The following TXNDC17 variants were observed in gnomAD, a reference collection of about 807,000 sequenced individuals.
The protein encoded by TXNDC17 is thioredoxin domain-containing protein 17.
Under a neutral mutation model 16.3 loss-of-function variants are expected in TXNDC17, and 12 were observed. The observed-to-expected ratio is 0.74, with a 90% CI of 0.47 to 1.19. The LOEUF is 1.19. TXNDC17 is among the 50% of genes most tolerant of loss of function. TXNDC17 has a pLI of 0.00. For synonymous variants in TXNDC17, 62 were observed against 55.0 expected (o/e 1.13, Z -0.56); for missense variants, 158 against 149.7 (o/e 1.06, Z -0.29).
intron 2 of TXNDC17, 151 bp from the exon 3 acceptor site, chr17:6,642,098 T>G: frequency 1.5e-6 from 1 of 667,704 alleles, no homozygotes. Context: ...CACAGGGTAA[T>G]TAGTAGATTA....
chr17:6,641,251 CTGTCCAA>C, intron 1 of TXNDC17, 24 bp downstream of exon 1: 1 of 1,612,076 alleles, frequency 6.2e-7, no homozygotes. Flanking sequence ...TCGGGGGCTG[CTGTCCAA>C]TGGAAATGGC....
rs369695351 is a variant in TXNDC17, at chr17:6,642,935, T to A, written c.304-16T>A. On this transcript the variant is annotated splice_polypyrimidine_tract_variant and intron_variant, in intron 3 of 3. Transcript: ENST00000250101. ...TTTATAGAAGTAGTGAAGATTTGACTGTTTTTCTCTTACAGCCTCAAAAAC... is the reference window on the plus strand; with the variant it reads ...TTTATAGAAGTAGTGAAGATTTGACAGTTTTTCTCTTACAGCCTCAAAAAC... 48 of 1,601,698 alleles carry A rather than the reference T, an allele frequency of 3.0e-5. No homozygotes were observed. Among genetic ancestry groups the A allele is most frequent in the Non-Finnish European group, 3.7e-5 (43 of 1,169,116 alleles).
intron 3 of TXNDC17, 97 bp downstream of exon 3, chr17:6,642,421 C>A: frequency 1.2e-6 from 1 of 858,214 alleles, no homozygotes; most frequent in South Asian, 1.7e-5. Context: ...CATTTCATCT[C>A]AATTCCATTG....
intron 3 of TXNDC17, 190 bp downstream of exon 3, chr17:6,642,514 T>C: frequency 1.9e-6 from 1 of 515,788 alleles, no homozygotes; most frequent in Admixed American, 3.8e-5. Flanking sequence ...TTAGGTCTTT[T>C]TCATGTTAAG....
Position 6,643,410 on chromosome 17 carries a change from C to T in TXNDC17, c.*391C>T, listed in dbSNP as rs559303215. 2 of 167,410 alleles carry T rather than the reference C, an allele frequency of 1.2e-5. No individual in the cohort carries two copies. The highest frequency in any genetic ancestry group is 1.7e-4 in the East Asian group (1 of 5,830). 10.4% of individuals were successfully genotyped at this position (167,410 alleles called of 1,614,324 possible). On this transcript the variant is annotated 3_prime_UTR_variant, in exon 4 of 4. Coordinates refer to ENST00000250101, the MANE Select transcript of TXNDC17 (RefSeq NM_032731.4). ...CTTCTTTGATTTTGGAATGTAGAAC[C>T]TAACCTCACCACTGAAGGAAAGCAC... is the stretch of plus-strand genomic sequence containing the variant.
intron 2 of TXNDC17, 158 bp from the exon 3 acceptor site, chr17:6,642,090 CA>C (rs1471709591): frequency 4.5e-6 from 3 of 663,890 alleles, no homozygotes; most frequent in Non-Finnish European, 7.9e-6. Flanking sequence ...AAACTTTGCA[CA>C]GGGTAATTAG....
rs1972736123 is a variant in TXNDC17, at chr17:6,644,286, C to A, written c.*1267C>A. On this transcript the variant is annotated 3_prime_UTR_variant, in exon 4 of 4. Coordinates refer to ENST00000250101, the MANE Select transcript of TXNDC17 (RefSeq NM_032731.4). ...ACAAATCCACAGGGAAATCAAAGAA[C>A]AATTCAGGTTTAACAGAAATAGTCT... The A allele has an allele frequency of 6.4e-6, 4 of 626,206 alleles. No homozygotes were observed. The highest frequency in any genetic ancestry group is 3.9e-5 in the South Asian group (1 of 25,792). The allele number at this position is 626,206 out of a possible 1,614,324, so 38.8% of individuals were successfully genotyped here.
At chr17:6,641,450 ACTT>A in intron 1 of TXNDC17, 1 of 668,972 alleles carries the variant, frequency 1.5e-6, no homozygotes, top group Non-Finnish European at 2.5e-6. Flanking sequence ...GTTCCTTAAA[ACTT>A]CTCACTCCCC....
At position 6,644,028 on chromosome 17, in the gene TXNDC17, C is replaced by T. The variant is rs564993875; in HGVS notation, c.*1009C>T. 1.2e-5 allele frequency: 5 copies of T among 400,598 alleles called. No individual in the cohort carries two copies. The highest frequency in any genetic ancestry group is 1.2e-4 in the South Asian group (1 of 8,024). The allele number at this position is 400,598 out of a possible 1,614,324, so 24.8% of individuals were successfully genotyped here. On this transcript the variant is annotated 3_prime_UTR_variant, in exon 4 of 4. Transcript: ENST00000250101. ...TATGATTTAAAGAGGTCAGTGACTC[C>T]GCTACTCTCACTACATCTTAGAGTA...
Position 6,643,152 on chromosome 17 carries a change from A to G in TXNDC17, c.*133A>G. 1.4e-6 allele frequency: 1 copy of G among 700,684 alleles called. No homozygotes were observed. Among genetic ancestry groups the G allele is most frequent in the South Asian group, 1.9e-5 (1 of 53,354 alleles). The allele number at this position is 700,684 out of a possible 1,614,324, so 43.4% of individuals were successfully genotyped here. ...GCATGTGTCTAAACAATAGAGTGCT[A>G]TTAAAATGCCCATGAACCTTTAGTT... On this transcript the variant is annotated 3_prime_UTR_variant, in exon 4 of 4. Transcript: ENST00000250101.
In TXNDC17 at chr17:6,644,494, T is replaced by G. The variant is rs770661783; in HGVS notation, c.*1475T>G. On this transcript the variant is annotated 3_prime_UTR_variant, in exon 4 of 4. Coordinates refer to ENST00000250101, the MANE Select transcript of TXNDC17 (RefSeq NM_032731.4). ...ATTTTCCCGATGTGTTATTTTGCTG[T>G]TGCTGCTCTGCCAAGGCTTGCTGAA... is the stretch of plus-strand genomic sequence containing the variant. 1.9e-6 allele frequency: 3 copies of G among 1,606,740 alleles called. No homozygotes were observed. The East Asian group carries it at 6.7e-5, about 36-fold the overall frequency.
At position 6,642,332 on chromosome 17, in the gene TXNDC17, T is replaced by C; in HGVS notation, c.303+8T>C. ...CTACTTAAGTATGGAACAGTAAGTATCTTTAAATATGCTGGGCCTGTAATT... is the reference window on the plus strand; with the variant it reads ...CTACTTAAGTATGGAACAGTAAGTACCTTTAAATATGCTGGGCCTGTAATT... On this transcript the variant is annotated splice_region_variant and intron_variant, in intron 3 of 3. Transcript: ENST00000250101. The C allele has an allele frequency of 6.4e-7, 1 of 1,566,548 alleles. No individual in the cohort carries two copies. Among genetic ancestry groups the C allele is most frequent in the Non-Finnish European group, 8.7e-7 (1 of 1,146,246 alleles).
intron 2 of TXNDC17, 115 bp downstream of exon 2, chr17:6,641,949 T>TAA: frequency 1.1e-6 from 1 of 935,402 alleles, no homozygotes; most frequent in Non-Finnish European, 1.7e-6. Context: ...TCTGACAAGT[T>TAA]AAACAATTAG....
Position 6,644,342 on chromosome 17 carries a change from C to T in TXNDC17, c.*1323C>T. On this transcript the variant is annotated 3_prime_UTR_variant, in exon 4 of 4. Transcript: ENST00000250101. Reference sequence around the variant, plus strand: ...CAATAAAAAGTTGGATGAAAAAGCACACTAAAGGTTCTAGGGGCTACCATA... The same window carrying T: ...CAATAAAAAGTTGGATGAAAAAGCATACTAAAGGTTCTAGGGGCTACCATA... 1 of 1,109,140 alleles carries T rather than the reference C, an allele frequency of 9.0e-7. No individual in the cohort carries two copies. The highest frequency in any genetic ancestry group is 1.2e-6 in the Non-Finnish European group (1 of 828,528). The allele number at this position is 1,109,140 out of a possible 1,614,324, so 68.7% of individuals were successfully genotyped here. A position where few individuals can be genotyped will look rare whatever the true frequency, so the allele number is the denominator to read the frequency against.
rs1490935642 is a variant in TXNDC17, at chr17:6,643,998, T to G, written c.*979T>G. On this transcript the variant is annotated 3_prime_UTR_variant, in exon 4 of 4. Transcript: ENST00000250101. Reference sequence around the variant, plus strand: ...AATTCAAGAACCTTTATGCAGTTCCTGTCCTATGATTTAAAGAGGTCAGTG... The same window carrying G: ...AATTCAAGAACCTTTATGCAGTTCCGGTCCTATGATTTAAAGAGGTCAGTG... 4 of 398,816 alleles carry G rather than the reference T, an allele frequency of 1.0e-5. No individual in the cohort carries two copies. Among genetic ancestry groups the G allele is most frequent in the Non-Finnish European group, 1.8e-5 (4 of 226,404 alleles). 24.7% of individuals were successfully genotyped at this position (398,816 alleles called of 1,614,324 possible).
chr17:6,642,075 C>T (rs555373949), intron 2 of TXNDC17, 174 bp from the exon 3 acceptor site: 2 of 660,036 alleles, frequency 3.0e-6, no homozygotes, highest in East Asian at 5.4e-5. Context: ...CTTAGTCACA[C>T]TTTGAAACTT....
chr17:6,642,643 C>T lies in TXNDC17; in HGVS notation c.304-308C>T, dbSNP rs1972706356. 1.5e-5 allele frequency: 7 copies of T among 454,490 alleles called. No individual in the cohort carries two copies. In the South Asian group the frequency reaches 2.3e-4, roughly 15 times the overall value. The allele number at this position is 454,490 out of a possible 1,614,324, so 28.2% of individuals were successfully genotyped here. A position where few individuals can be genotyped will look rare whatever the true frequency, so the allele number is the denominator to read the frequency against. ...AAAAGTAAGGGCATCTCTTCTAGTT[C>T]AGTCATGCCCCTGGGATCCTAAATT... On this transcript the variant is annotated intron_variant, in intron 3 of 3. Coordinates refer to ENST00000250101, the MANE Select transcript of TXNDC17 (RefSeq NM_032731.4).
chr17:6,644,517 G>A lies in TXNDC17; in HGVS notation c.*1498G>A, dbSNP rs775920405. The A allele has an allele frequency of 6.2e-7, 1 of 1,610,316 alleles. No homozygotes were observed. The highest frequency in any genetic ancestry group is 1.1e-5 in the South Asian group (1 of 89,882). On this transcript the variant is annotated 3_prime_UTR_variant, in exon 4 of 4. Transcript: ENST00000250101. ...TGTTGCTGCTCTGCCAAGGCTTGCT[G>A]AAGGCGCATCCGCTTCCGGGAATAG... is the stretch of plus-strand genomic sequence containing the variant.
rs139438513 is a variant in TXNDC17 at position 6,641,576 on chromosome 17, C to A, written c.146-177C>A. The A allele has an allele frequency of 4.3e-6, 3 of 696,438 alleles. No individual in the cohort carries two copies. In the East Asian group the frequency reaches 8.1e-5, roughly 19 times the overall value. The allele number at this position is 696,438 out of a possible 1,614,324, so 43.1% of individuals were successfully genotyped here. On this transcript the variant is annotated intron_variant, in intron 1 of 3. Transcript: ENST00000250101. Reference sequence around the variant, plus strand: ...AATCGGGACTGGGATTTGGTCCTTACCCTTAACGTGGCTCTAAGACCAGAA... The same window carrying A: ...AATCGGGACTGGGATTTGGTCCTTAACCTTAACGTGGCTCTAAGACCAGAA...
Sources: gnomAD v4.1 joint callset for allele counts on GRCh38, gnomAD v4.1.1 for gene constraint, MANE v1.5 for transcripts, NCBI Gene and HGNC (gene_info 2026-07-23, HGNC 2026-07-21) for gene names.